The following NFASC variants were observed in gnomAD, a reference collection of about 807,000 sequenced individuals.
NFASC encodes neurofascin homolog.
NFASC carries 43 observed loss-of-function variants against 147.5 expected under a neutral mutation model. That is an observed-to-expected ratio of 0.29 (90% CI 0.23 to 0.38). NFASC has a LOEUF of 0.38. Ranked by LOEUF, NFASC falls within the 10% of genes least tolerant of loss-of-function variation. The probability of loss-of-function intolerance (pLI) is 1.00; values close to 1 mark genes in which losing one functional copy is unlikely to be tolerated. For synonymous variants in NFASC, 622 were observed against 665.5 expected, an observed-to-expected ratio of 0.93 and a Z score of 1.01; for missense variants, 1,320 against 1,689.0, an observed-to-expected ratio of 0.78 and a Z score of 3.83.
intron 8 of NFASC, among the ~76,000 whole-genome samples, chr1:204,958,385 G>A (rs1007693377): frequency 6.6e-6 from 1 of 152,202 alleles, no homozygotes; most frequent in African/African-American, 2.4e-5. Flanking sequence ...CGCTATGTTT[G>A]TAAGTTGCAG....
At chr1:204,891,594 G>A (rs74138648) in intron 1 of NFASC, among the ~76,000 whole-genome samples, 18 of 152,224 alleles carry the variant, frequency 1.2e-4, no homozygotes, top group African/African-American at 3.6e-4. Flanking sequence ...TCACTACAGC[G>A]GTATTTGGAG....
At chr1:204,884,080 G>C (rs1445006541) in intron 1 of NFASC, among the ~76,000 whole-genome samples, 2 of 152,294 alleles carry the variant, frequency 1.3e-5, no homozygotes, top group Middle Eastern at 3.4e-3. Context: ...TGAAATAAAT[G>C]CATCCCACTC....
At position 204,828,711 on chromosome 1, in the gene NFASC, C is replaced by CGCGGGGGAAGTGGCG; in HGVS notation, c.-267_-253dup. On this transcript the variant is annotated 5_prime_UTR_variant, in exon 1 of 30. Coordinates refer to ENST00000339876, the MANE Select transcript of NFASC (RefSeq NM_001005388.3). ...TGGCGGCGAGAGGCGCTGCAGGGGA[C>CGCGGGGGAAGTGGCG]GCGGGGGAAGTGGCGGCGCCGGCAG... The CGCGGGGGAAGTGGCG allele has an allele frequency of 1.0e-6, 1 of 985,562 alleles. No homozygotes were observed. The highest frequency in any genetic ancestry group is 1.2e-6 in the Non-Finnish European group (1 of 830,100). The allele number at this position is 985,562 out of a possible 1,614,324, so 61.1% of individuals were successfully genotyped here.
chr1:204,957,359 C>T (rs958430295), intron 7 of NFASC, among the ~76,000 whole-genome samples: 8 of 152,202 alleles, frequency 5.3e-5, no homozygotes, highest in African/African-American at 1.9e-4. Flanking sequence ...TCTTTTGTGG[C>T]GTGAACAGGA....
intron 1 of NFASC, among the ~76,000 whole-genome samples, chr1:204,896,023 AT>A (rs1166641537): frequency 6.6e-6 from 1 of 152,188 alleles, no homozygotes; most frequent in African/African-American, 2.4e-5. Flanking sequence ...CCTTGAGATT[AT>A]TTTGTTTAGG....
chr1:204,985,898 T>A, intron 21 of NFASC: 1 of 1,603,602 alleles, frequency 6.2e-7, no homozygotes, highest in Non-Finnish European at 8.5e-7. Context: ...CCAGCCTGCC[T>A]CTGTCCCGAA....
At position 204,981,901 on chromosome 1, in the gene NFASC, C is replaced by T; in HGVS notation, c.2351C>T (p.Ser784Phe). Residue 784 changes from serine (S) to phenylalanine (F), a missense_variant, in exon 21 of 30, where the codon TCT becomes TTT. Coordinates refer to ENST00000339876, the MANE Select transcript of NFASC (RefSeq NM_001005388.3). ...TGGAACAACGTCACAGTGTGGGGCT[C>T]TCGCTACGTGGTGGGGCAGACCCCA... ...EAWNNVTVWGSRYVVGQTPVY... is the reference protein window; with the variant it reads ...EAWNNVTVWGFRYVVGQTPVY... 3 of 1,608,400 alleles carry T rather than the reference C, an allele frequency of 1.9e-6. No homozygotes were observed. Among genetic ancestry groups the T allele is most frequent in the Non-Finnish European group, 2.5e-6 (3 of 1,177,498 alleles).
intron 5 of NFASC, among the ~76,000 whole-genome samples, chr1:204,953,900 G>A (rs1478016523): frequency 6.6e-6 from 1 of 152,204 alleles, no homozygotes; most frequent in Non-Finnish European, 1.5e-5. Context: ...AGCTACTTCA[G>A]TATCTAACAC....
At chr1:204,922,133 A>T (rs966605742) in intron 2 of NFASC, among the ~76,000 whole-genome samples, 1 of 152,126 alleles carries the variant, frequency 6.6e-6, no homozygotes, top group Non-Finnish European at 1.5e-5. Flanking sequence ...ATGAAACTGG[A>T]TGGGGACAGA....
intron 19 of NFASC, among the ~76,000 whole-genome samples, chr1:204,980,014 G>T (rs1574075177): frequency 1.3e-5 from 2 of 152,198 alleles, no homozygotes. Flanking sequence ...AATGTTAAAT[G>T]CCAGGGATAA....
In NFASC at chr1:205,012,866, G is replaced by C. The variant is rs771420364; in HGVS notation, c.3491G>C (p.Ser1164Thr). ...GAAGAGGATGGCTCATTTGACTATA[G>C]GTGCGTGATCTCCCTCCTCCTCTCT... ...PKEEDGSFDY[S>T]DEDNKPLQGS... The change falls in exon 29 of 30, where the codon AGT becomes ACT. Residue 1164 changes from serine (S) to threonine (T), a missense_variant and splice_region_variant. Coordinates refer to ENST00000339876, the MANE Select transcript of NFASC (RefSeq NM_001005388.3). The C allele has an allele frequency of 6.2e-7, 1 of 1,609,720 alleles. No homozygotes were observed. Among genetic ancestry groups the C allele is most frequent in the South Asian group, 1.1e-5 (1 of 90,986 alleles).
At chr1:204,936,173 T>C (rs1399532908) in intron 2 of NFASC, among the ~76,000 whole-genome samples, 3 of 149,330 alleles carry the variant, frequency 2.0e-5, no homozygotes, top group East Asian at 2.0e-4. Flanking sequence ...AACCTAGCAT[T>C]AACAGATTCC....
chr1:204,881,002 C>T (rs1050321260), intron 1 of NFASC, among the ~76,000 whole-genome samples: 2 of 152,218 alleles, frequency 1.3e-5, no homozygotes, highest in Non-Finnish European at 2.9e-5. Flanking sequence ...AGTGTAGCAG[C>T]CCTCCTGCCC....
chr1:204,991,373 AG>A (rs1346694338), intron 24 of NFASC, 67 bp downstream of exon 24: 1 of 1,538,782 alleles, frequency 6.5e-7, no homozygotes, highest in Non-Finnish European at 8.9e-7. Context: ...CAGCCCAGCC[AG>A]GGCGGACAAG....
rs915369184 is a variant in NFASC at position 204,988,549 on chromosome 1, AGT to A, written c.2594-81_2594-80del. The A allele has an allele frequency of 4.4e-5, 55 of 1,262,746 alleles. No homozygotes were observed. In the East Asian group the frequency reaches 1.2e-3, roughly 27 times the overall value. 78.2% of individuals were successfully genotyped at this position (1,262,746 alleles called of 1,614,324 possible). On this transcript the variant is annotated intron_variant, in intron 22 of 29. Transcript: ENST00000339876. ...TTTCCCTTTCCAGCAAAGTCAGGAA[AGT>A]GTTCTTCCTCCAGCTTGCAGATTAT... is the stretch of plus-strand genomic sequence containing the variant.
chr1:204,901,412 C>A (rs1397287263), intron 1 of NFASC, among the ~76,000 whole-genome samples: 1 of 152,080 alleles, frequency 6.6e-6, no homozygotes, highest in Non-Finnish European at 1.5e-5. Context: ...TGGCAGTATT[C>A]CAGATGCTAA....
chr1:204,959,192 T>C (rs2094553957), intron 8 of NFASC, among the ~76,000 whole-genome samples: 1 of 152,096 alleles, frequency 6.6e-6, no homozygotes, highest in African/African-American at 2.4e-5. Flanking sequence ...CATTCTGCCC[T>C]CCTCTAATCA....
intron 24 of NFASC, among the ~76,000 whole-genome samples, chr1:204,991,981 C>A (rs1423645229): frequency 6.6e-6 from 1 of 152,190 alleles, no homozygotes; most frequent in African/African-American, 2.4e-5. Flanking sequence ...TCTCCACTCT[C>A]GGGGTATGGG....
chr1:204,874,701 A>C (rs1572308976), intron 1 of NFASC, among the ~76,000 whole-genome samples: 1 of 152,258 alleles, frequency 6.6e-6, no homozygotes, highest in East Asian at 1.9e-4. Flanking sequence ...ATCTTGGTTT[A>C]TACTTCTCAG....
Sources: allele counts gnomAD v4.1 joint callset (sites outside exome capture counted in the v4.1 genomes callset), GRCh38; gene constraint gnomAD v4.1.1; transcripts MANE v1.5; gene names NCBI Gene and HGNC (gene_info 2026-07-23, HGNC 2026-07-21).